Variants in STAB1 observed in about 807,000 individuals in gnomAD.
STAB1 encodes stabilin 1, also known as stabilin-1.
A neutral mutation model predicts 332.4 loss-of-function variants in STAB1; 250 were observed. That is an observed-to-expected ratio of 0.75 (90% CI 0.68 to 0.84). The LOEUF (loss-of-function observed/expected upper bound fraction) is 0.84, where lower values mean the gene tolerates loss of function less well. Among genes scored for constraint, STAB1 ranks in the 40% least tolerant of loss-of-function variants. STAB1 has a pLI of 0.00. For synonymous variants in STAB1, 1,475 were observed against 1,390.4 expected (o/e 1.06, Z -1.35); for missense variants, 3,249 against 3,489.7 (o/e 0.93, Z 1.74).
chr3:52,516,041 A>G lies in STAB1; in HGVS notation c.3949-2A>G. On this transcript the variant is annotated splice_acceptor_variant, in intron 37 of 68. Transcript: ENST00000321725. LOFTEE classifies it high-confidence loss of function. ...CCCTCTCTCCCATCCCCACGCCGAC[A>G]GGTGCCGGACTGCTGCCCTGGTTTC... 5.6e-6 allele frequency: 9 copies of G among 1,600,368 alleles called. No homozygotes were observed. Among genetic ancestry groups the G allele is most frequent in the Non-Finnish European group, 7.7e-6 (9 of 1,173,462 alleles).
At chr3:52,509,011 G>A (rs748802361) in intron 21 of STAB1, among the ~76,000 whole-genome samples, 199 bp from the exon 22 acceptor site, 1 of 152,170 alleles carries the variant, frequency 6.6e-6, no homozygotes, top group African/African-American at 2.4e-5. Flanking sequence ...AGCAAATGTT[G>A]CTCATAAAGC....
chr3:52,498,109 G>A (rs1243398290), intron 1 of STAB1, among the ~76,000 whole-genome samples: 1 of 152,178 alleles, frequency 6.6e-6, no homozygotes, highest in Non-Finnish European at 1.5e-5. Flanking sequence ...TTTAGATTCT[G>A]GGCTCTCAGC....
intron 1 of STAB1, among the ~76,000 whole-genome samples, chr3:52,498,867 G>A (rs1708233534): frequency 6.6e-6 from 1 of 152,228 alleles, no homozygotes; most frequent in Non-Finnish European, 1.5e-5. Context: ...TCAGGATGGG[G>A]AACGAGACCA....
intron 5 of STAB1, 98 bp from the exon 6 acceptor site, chr3:52,502,534 C>G (rs989549020): frequency 1.8e-6 from 2 of 1,115,144 alleles, no homozygotes; most frequent in Non-Finnish European, 2.7e-6. Context: ...TGTACCTGCC[C>G]GAGCTGAGTT....
Position 52,522,021 on chromosome 3 carries a change from C to T in STAB1, c.6272-16C>T. 6.2e-7 allele frequency: 1 copy of T among 1,612,238 alleles called. No individual in the cohort carries two copies. Among genetic ancestry groups the T allele is most frequent in the Non-Finnish European group, 8.5e-7 (1 of 1,179,096 alleles). On this transcript the variant is annotated splice_polypyrimidine_tract_variant and intron_variant, in intron 58 of 68. Coordinates refer to ENST00000321725, the MANE Select transcript of STAB1 (RefSeq NM_015136.3). ...CCTGCAGTCACTAGGTCCAACCACT[C>T]CCTCCCTGCCCTCAGTGGCAGACCT...
At position 52,514,425 on chromosome 3, in the gene STAB1, C is replaced by G; in HGVS notation, c.3607C>G (p.Arg1203Gly). ...LGEALSMETL[R>G]KGGHRNSLLG... The stretch of plus-strand genomic sequence containing the variant: ...GGAGGCCCTCTCCATGGAAACCCTG[C>G]GGAAGGGTGGACACCGCAACTCCCT... The change falls in exon 34 of 69, where the codon CGG (arginine) becomes GGG (glycine). Residue 1203 changes from arginine to glycine, a missense_variant. Physicochemically the swap from Arg to Gly is moderately radical, Grantham distance 125. Transcript: ENST00000321725. 5 of 1,555,652 alleles carry G rather than the reference C, an allele frequency of 3.2e-6. No individual in the cohort carries two copies. In the South Asian group the frequency reaches 6.1e-5, roughly 19 times the overall value.
Position 52,523,890 on chromosome 3 carries a change from A to G in STAB1, c.7415A>G (p.Glu2472Gly). 2.5e-6 allele frequency: 4 copies of G among 1,604,712 alleles called. No homozygotes were observed. Among genetic ancestry groups the G allele is most frequent in the Non-Finnish European group, 3.4e-6 (4 of 1,177,318 alleles). Residue 2472 changes from glutamate (E) to glycine (G), a missense_variant, in exon 67 of 69, where the codon GAA becomes GGA. Transcript: ENST00000321725. ...TTGTAGCAGGCAGTGCTGGCGCCTG[A>G]AGCCCCACCTGTGGCGGCAGGCGTG... ...PPQPQAVLAPEAPPVAAGVGA... is the reference protein window; with the variant it reads ...PPQPQAVLAPGAPPVAAGVGA...
Position 52,519,549 on chromosome 3 carries a change from C to T in STAB1, c.5220C>T (p.Phe1740=), listed in dbSNP as rs1360829195. The change falls in exon 50 of 69, where the codon TTC becomes TTT. Residue 1740 remains phenylalanine (F), a synonymous_variant. Coordinates refer to ENST00000321725, the MANE Select transcript of STAB1 (RefSeq NM_015136.3). Reference sequence around the variant, plus strand: ...CCCAGGGCTTCGGTTACAAGATCTTCAGCGGCCTCCTGAAGGTACTGCTCC... The same window carrying T: ...CCCAGGGCTTCGGTTACAAGATCTTTAGCGGCCTCCTGAAGGTACTGCTCC... ...AAAQGFGYKI[F]SGLLKVAGLL... 6.2e-7 allele frequency: 1 copy of T among 1,613,348 alleles called. No homozygotes were observed. Among genetic ancestry groups the T allele is most frequent in the East Asian group, 2.2e-5 (1 of 44,880 alleles).
Position 52,503,979 on chromosome 3 carries a change from T to G in STAB1, c.1023-49T>G, listed in dbSNP as rs530150917. 322 of 1,538,806 alleles carry G rather than the reference T, an allele frequency of 2.1e-4. No individual in the cohort carries two copies. In the African/African-American group the frequency reaches 3.3e-3, roughly 16 times the overall value. On this transcript the variant is annotated intron_variant, in intron 9 of 68. Transcript: ENST00000321725. ...CTGCGGGAAGGCGTGGGGGGTGCGG[T>G]GGGGGGGGCCTCAGCCTCCGCCCTG...
At position 52,512,422 on chromosome 3, in the gene STAB1, G is replaced by A. The variant is rs1709363914; in HGVS notation, c.2965G>A (p.Gly989Arg). The change falls in exon 27 of 69, where the codon GGA (glycine) becomes AGA (arginine). Residue 989 changes from glycine to arginine, a missense_variant. Physicochemically the swap from Gly to Arg is moderately radical, Grantham distance 125. Transcript: ENST00000321725. ...TGGGGGTGATGGCTTCAGCTGTTAT[G>A]GAGACATCTTCCGGGTAAGGGGTGC... ...GFGGDGFSCY[G>R]DIFRELEANA... is the part of the protein sequence containing the mutation. The A allele has an allele frequency of 2.5e-6, 4 of 1,610,510 alleles. No individual in the cohort carries two copies. Among genetic ancestry groups the A allele is most frequent in the Non-Finnish European group, 3.4e-6 (4 of 1,178,626 alleles).
rs1707931072 is a variant in STAB1, at chr3:52,495,421, G to A, written c.8G>A (p.Gly3Glu). 4 of 1,339,498 alleles carry A rather than the reference G, an allele frequency of 3.0e-6. No homozygotes were observed. Among genetic ancestry groups the A allele is most frequent in the Non-Finnish European group, 3.9e-6 (4 of 1,038,382 alleles). 83.0% of individuals were successfully genotyped at this position (1,339,498 alleles called of 1,614,324 possible). The change falls in exon 1 of 69, where the codon GGG becomes GAG. Residue 3 changes from glycine (G) to glutamate (E), a missense_variant. Transcript: ENST00000321725. MA[G>E]PRGLLPLCLL... The stretch of plus-strand genomic sequence containing the variant: ...ACAGCGTGCCCACCAGCCATGGCGG[G>A]GCCCCGGGGCCTCCTCCCACTCTGC...
At position 52,508,094 on chromosome 3, in the gene STAB1, G is replaced by A. The variant is rs377707937; in HGVS notation, c.2148+68G>A. 3.9e-6 allele frequency: 6 copies of A among 1,524,798 alleles called. No homozygotes were observed. In the African/African-American group the frequency reaches 6.9e-5, roughly 17 times the overall value. 94.5% of individuals were successfully genotyped at this position (1,524,798 alleles called of 1,614,324 possible). A position where few individuals can be genotyped will look rare whatever the true frequency, so the allele number is the denominator to read the frequency against. ...CCTGCTGTTCCTCGGGGGCCCCCAA[G>A]CTGGGGCTGAGTGGGCTCCCTCCCT... On this transcript the variant is annotated intron_variant, in intron 20 of 68. Transcript: ENST00000321725.
At position 52,522,611 on chromosome 3, in the gene STAB1, T is replaced by A; in HGVS notation, c.6667T>A (p.Phe2223Ile). ...CACCAGCGGCCCTTATGGTCTGAAC[T>A]TTTCGGAGGCTGAGGCGGCATGCGA... ...QATSGPYGLN[F>I]SEAEAACEAQ... Residue 2223 changes from phenylalanine to isoleucine, a missense_variant, in exon 61 of 69, where the codon TTT (phenylalanine) becomes ATT (isoleucine). By Grantham distance (21) the Phe-to-Ile change is conservative (BLOSUM62 0). Coordinates refer to ENST00000321725, the MANE Select transcript of STAB1 (RefSeq NM_015136.3). 6.2e-7 allele frequency: 1 copy of A among 1,612,992 alleles called. No homozygotes were observed. The highest frequency in any genetic ancestry group is 8.5e-7 in the Non-Finnish European group (1 of 1,180,028).
At chr3:52,519,713 C>G in intron 50 of STAB1, 149 bp downstream of exon 50, 2 of 1,270,836 alleles carry the variant, frequency 1.6e-6, no homozygotes, top group Non-Finnish European at 2.2e-6. Flanking sequence ...CAAGCCACAT[C>G]TGTGTGCATG....
At position 52,523,677 on chromosome 3, in the gene STAB1, G is replaced by T; in HGVS notation, c.7316G>T (p.Arg2439Leu). ...PVAPGTVVVS[R>L]IIVWDIMAFN... is the part of the protein sequence containing the mutation. ...GCCCCAGGGACAGTTGTGGTTAGCCGTATCATTGTGTGGGACATCATGGCC... is the reference window on the plus strand; with the variant it reads ...GCCCCAGGGACAGTTGTGGTTAGCCTTATCATTGTGTGGGACATCATGGCC... Residue 2439 changes from arginine to leucine, a missense_variant, in exon 66 of 69, where the codon CGT (arginine) becomes CTT (leucine). By Grantham distance (102) the Arg-to-Leu change is moderately radical. Coordinates refer to ENST00000321725, the MANE Select transcript of STAB1 (RefSeq NM_015136.3). 1 of 1,612,732 alleles carries T rather than the reference G, an allele frequency of 6.2e-7. No homozygotes were observed. Among genetic ancestry groups the T allele is most frequent in the Non-Finnish European group, 8.5e-7 (1 of 1,179,860 alleles).
At chr3:52,511,611 T>C in intron 25 of STAB1, 39 bp from the exon 26 acceptor site, 2 of 1,563,096 alleles carry the variant, frequency 1.3e-6, no homozygotes, top group Non-Finnish European at 8.7e-7. Context: ...GGTTGGATGC[T>C]CATCATGAGA....
intron 3 of STAB1, 89 bp from the exon 4 acceptor site, chr3:52,501,916 AG>A: frequency 6.6e-7 from 1 of 1,511,712 alleles, no homozygotes; most frequent in Non-Finnish European, 9.1e-7. Context: ...TCCTTGGGGG[AG>A]GGGCCGAGTC....
chr3:52,510,129 C>T lies in STAB1; in HGVS notation c.2535-13C>T. ...TGAGGCTCACTGGAGCCCCCTCCTTCACCCACCCCCAGATGTCGCTGTCTT... is the reference window on the plus strand; with the variant it reads ...TGAGGCTCACTGGAGCCCCCTCCTTTACCCACCCCCAGATGTCGCTGTCTT... On this transcript the variant is annotated splice_polypyrimidine_tract_variant and intron_variant, in intron 23 of 68. Coordinates refer to ENST00000321725, the MANE Select transcript of STAB1 (RefSeq NM_015136.3). 1 of 1,613,948 alleles carries T rather than the reference C, an allele frequency of 6.2e-7. No homozygotes were observed. The highest frequency in any genetic ancestry group is 8.5e-7 in the Non-Finnish European group (1 of 1,180,018).
At chr3:52,504,211 C>T in intron 10 of STAB1, 56 bp downstream of exon 10, 2 of 1,547,308 alleles carry the variant, frequency 1.3e-6, no homozygotes, top group Admixed American at 1.8e-5. Flanking sequence ...GCACAGTTGG[C>T]AGGGAGGGAG....
Sources: gnomAD v4.1 joint callset for allele counts (sites outside exome capture counted in the v4.1 genomes callset) on GRCh38, gnomAD v4.1.1 for gene constraint, MANE v1.5 for transcripts, NCBI Gene and HGNC (gene_info 2026-07-23, HGNC 2026-07-21) for gene names.